The following MED16 variants were observed in gnomAD, a reference collection of about 807,000 sequenced individuals.
MED16 encodes the protein mediator of RNA polymerase II transcription subunit 16.
MED16 carries 81 observed loss-of-function variants against 84.4 expected under a neutral mutation model. The ratio of observed to expected loss-of-function variants is 0.96; its 90% CI spans 0.80 to 1.15. The LOEUF (loss-of-function observed/expected upper bound fraction) is 1.15, where lower values mean the gene tolerates loss of function less well. MED16 is among the 50% of genes most tolerant of loss of function. The pLI, the probability that MED16 is intolerant of heterozygous loss-of-function variation, is 0.00. For missense variants in MED16, 1,585 were observed against 1,245.9 expected (o/e 1.27, Z -4.10); for synonymous variants, 897 against 552.2 (o/e 1.62, Z -8.76).
chr19:881,487 G>A (rs1036124734), intron 7 of MED16, 72 bp downstream of exon 7: 7 of 1,526,086 alleles, frequency 4.6e-6, no homozygotes, highest in Non-Finnish European at 6.2e-6. Flanking sequence ...ACGACCCCGT[G>A]GCCTGTGCTC....
chr19:880,209 G>A, intron 7 of MED16, 61 bp from the exon 8 acceptor site: 2 of 1,478,642 alleles, frequency 1.4e-6, no homozygotes, highest in Non-Finnish European at 1.8e-6. Flanking sequence ...GCCGGGGGAG[G>A]GGCCTCCTGC....
intron 11 of MED16, chr19:872,889 T>G: frequency 1.1e-6 from 1 of 904,002 alleles, no homozygotes; most frequent in Non-Finnish European, 1.3e-6. Flanking sequence ...GCAGGAAGGG[T>G]GTGGCCAAGG....
intron 10 of MED16, 98 bp downstream of exon 10, chr19:875,146 A>G: frequency 1.2e-6 from 1 of 817,554 alleles, no homozygotes; most frequent in Non-Finnish European, 1.8e-6. Context: ...CCTGGGCAAC[A>G]GAGTAAGACC....
chr19:878,670 A>C (rs2036330948), intron 8 of MED16, among the ~76,000 whole-genome samples: 2 of 123,858 alleles, frequency 1.6e-5, no homozygotes, highest in Non-Finnish European at 3.3e-5. Flanking sequence ...CCTGGTTGTC[A>C]ATGCCCAACA....
intron 2 of MED16, 89 bp from the exon 3 acceptor site, chr19:890,333 G>A (rs773494818): frequency 1.6e-5 from 14 of 886,018 alleles, no homozygotes; most frequent in Admixed American, 2.9e-5. Context: ...GTAAGCCGGT[G>A]TGTGTCCCAC....
At chr19:890,298 G>T in intron 2 of MED16, 54 bp from the exon 3 acceptor site, 1 of 1,265,240 alleles carries the variant, frequency 7.9e-7, no homozygotes, top group South Asian at 1.5e-5. Flanking sequence ...TGCAGACGAT[G>T]ACGATGACTC....
chr19:874,215 G>A (rs1207790344), intron 10 of MED16, among the ~76,000 whole-genome samples: 3 of 152,030 alleles, frequency 2.0e-5, no homozygotes, highest in Admixed American at 6.6e-5. Context: ...CCGGGTTCAC[G>A]CCATTCTCCT....
chr19:880,339 G>T (rs2036394372), intron 7 of MED16, among the ~76,000 whole-genome samples, 191 bp from the exon 8 acceptor site: 1 of 152,240 alleles, frequency 6.6e-6, no homozygotes, highest in Non-Finnish European at 1.5e-5. Flanking sequence ...AGCACCAGGG[G>T]AGCAGGAGCC....
At chr19:885,691 G>A (rs2036511149) in intron 5 of MED16, 79 bp downstream of exon 5, 8 of 1,523,986 alleles carry the variant, frequency 5.2e-6, no homozygotes, top group Non-Finnish European at 7.1e-6. Context: ...GGCCCGCGCG[G>A]GTCTCCACCC....
rs568567895 is a variant in MED16, at chr19:876,358, G to A, written c.1560+616C>T. Among the ~76,000 whole-genome samples the A allele has an allele frequency of 1.1e-4, 17 of 152,136 alleles. No homozygotes were observed. In the South Asian group the frequency reaches 2.9e-3, roughly 26 times the overall value. ...GCTCCCTCCTCTCCTTCCGACGGGC[G>A]GGTCTCTGTGTGTTCATCTTCTGAC... On this transcript the variant is annotated intron_variant, in intron 9 of 15. Transcript: ENST00000325464.
chr19:872,649 C>T (rs1303191458), intron 11 of MED16, among the ~76,000 whole-genome samples: 5 of 122,182 alleles, frequency 4.1e-5, no homozygotes, highest in Non-Finnish European at 5.1e-5. Flanking sequence ...CAGAGTGTAC[C>T]GGCGGGGGGG....
At position 871,361 on chromosome 19, in the gene MED16, C is replaced by T. The variant is rs1015852061; in HGVS notation, c.2099-108G>A. The T allele has an allele frequency of 5.2e-6, 7 of 1,353,954 alleles. No individual in the cohort carries two copies. The African/African-American group carries it at 1.0e-4, about 20-fold the overall frequency. The allele number at this position is 1,353,954 out of a possible 1,614,324, so 83.9% of individuals were successfully genotyped here. ...GTTCAGGAGCACCAGGTCAGGGCCC[C>T]AGCTCTGTCTGCCTGGCTGGGTGAC... On this transcript the variant is annotated intron_variant, in intron 12 of 15. Transcript: ENST00000325464.
At chr19:884,842 A>G in intron 6 of MED16, 61 bp downstream of exon 6, 4 of 1,392,710 alleles carry the variant, frequency 2.9e-6, no homozygotes, top group South Asian at 2.5e-5. Context: ...CTGCCTCCAA[A>G]ATAAAAACCA....
At chr19:872,779 A>AG (rs1250541369) in intron 11 of MED16, 1 of 184,930 alleles carries the variant, frequency 5.4e-6, no homozygotes, top group Non-Finnish European at 1.1e-5. Flanking sequence ...GGGGAGGGTA[A>AG]GGGGTGGGGG....
At chr19:880,688 G>A (rs1599334270) in intron 7 of MED16, among the ~76,000 whole-genome samples, 1 of 152,352 alleles carries the variant, frequency 6.6e-6, no homozygotes, top group East Asian at 1.9e-4. Context: ...GGGAGGCTGA[G>A]GCGGGCAGAT....
chr19:878,247 GCCCCAGCCCCAC>G, intron 8 of MED16, among the ~76,000 whole-genome samples: 2 of 24,376 alleles, frequency 8.2e-5, no homozygotes, highest in African/African-American at 1.7e-4. Context: ...CCCAGCCCCA[GCCCCAGCCCCAC>G]GGGCCCCAGC....
rs769402935 is a variant in MED16, at chr19:877,097, C to A, written c.1437G>T (p.Glu479Asp). 2 of 1,612,702 alleles carry A rather than the reference C, an allele frequency of 1.2e-6. No individual in the cohort carries two copies. Among genetic ancestry groups the A allele is most frequent in the Non-Finnish European group, 1.7e-6 (2 of 1,179,904 alleles). Residue 479 changes from glutamate (E) to aspartate (D), a missense_variant, in exon 9 of 16, where the codon GAG becomes GAT. Glu to Asp is a conservative substitution (Grantham distance 45). Transcript: ENST00000325464. ...LALRHLLFLL[E>D]YCMVTGYDWW... ...AGTCGTAGCCGGTCACCATGCAGTA[C>A]TCCAGCAGGAAGAGCAGGTGCCGCA...
At position 873,433 on chromosome 19, in the gene MED16, G is replaced by A. The variant is rs758978961; in HGVS notation, c.1905+16C>T. The A allele has an allele frequency of 1.2e-6, 2 of 1,604,110 alleles. No individual in the cohort carries two copies. The highest frequency in any genetic ancestry group is 1.7e-5 in the Admixed American group (1 of 59,928). On this transcript the variant is annotated intron_variant, in intron 11 of 15. Transcript: ENST00000325464. ...CCCAGGTGGGGGGCGGGGCCTTAGGGGAGAGCATGGCGCACCTGGTTGGGT... is the reference window on the plus strand; with the variant it reads ...CCCAGGTGGGGGGCGGGGCCTTAGGAGAGAGCATGGCGCACCTGGTTGGGT...
rs755653397 is a variant in MED16, at chr19:877,151, C to T, written c.1383G>A (p.Met461Ile). Reference protein sequence around the residue: ...KLSVLRLSPSMGHPLEVGLAL... With the variant: ...KLSVLRLSPSIGHPLEVGLAL... ...CCAGCCCCACCTCCAGCGGGTGGCCCATGGAAGGTGAGAGGCGGAGCACGC... is the reference window on the plus strand; with the variant it reads ...CCAGCCCCACCTCCAGCGGGTGGCCTATGGAAGGTGAGAGGCGGAGCACGC... The change falls in exon 9 of 16, where the codon ATG (methionine) becomes ATA (isoleucine). Residue 461 changes from methionine to isoleucine, a missense_variant. Coordinates refer to ENST00000325464, the MANE Select transcript of MED16 (RefSeq NM_005481.3). 1 of 1,611,748 alleles carries T rather than the reference C, an allele frequency of 6.2e-7. No individual in the cohort carries two copies. The highest frequency in any genetic ancestry group is 8.5e-7 in the Non-Finnish European group (1 of 1,179,638).
Sources: gnomAD v4.1 joint callset for allele counts (sites outside exome capture counted in the v4.1 genomes callset) on GRCh38, gnomAD v4.1.1 for gene constraint, MANE v1.5 for transcripts, NCBI Gene and HGNC (gene_info 2026-07-23, HGNC 2026-07-21) for gene names.